The following NKAIN3 variants were observed in gnomAD, a reference collection of about 807,000 sequenced individuals.
NKAIN3 encodes sodium/potassium-transporting ATPase subunit beta-1-interacting protein 3.
A neutral mutation model predicts 30.2 loss-of-function variants in NKAIN3; 25 were observed. The ratio of observed to expected loss-of-function variants is 0.83; its 90% CI spans 0.60 to 1.16. NKAIN3 has a LOEUF of 1.16. Among genes scored for constraint, NKAIN3 ranks in the 50% most tolerant of loss-of-function variants. NKAIN3 has a pLI of 0.00. For synonymous variants in NKAIN3, 91 were observed against 89.6 expected, an observed-to-expected ratio of 1.02 and a Z score of -0.09; for missense variants, 225 against 254.1, an observed-to-expected ratio of 0.89 and a Z score of 0.78.
At chr8:62,514,103 G>A (rs1288468390) in intron 1 of NKAIN3, among the ~76,000 whole-genome samples, 1 of 152,024 alleles carries the variant, frequency 6.6e-6, no homozygotes, top group Non-Finnish European at 1.5e-5. Flanking sequence ...GGAATCCTTG[G>A]ACAGGTGCTT....
intron 1 of NKAIN3, among the ~76,000 whole-genome samples, chr8:62,275,612 G>T (rs1194287152): frequency 2.0e-5 from 3 of 152,136 alleles, no homozygotes; most frequent in Non-Finnish European, 4.4e-5. Context: ...ATTTAAGTGT[G>T]TGAAACATAG....
chr8:62,582,110 T>TC (rs1810322832), intron 2 of NKAIN3, among the ~76,000 whole-genome samples: 1 of 136,762 alleles, frequency 7.3e-6, no homozygotes, highest in African/African-American at 2.8e-5. Context: ...TTTCCTTCCT[T>TC]CTTTCCTTTT....
At chr8:62,432,191 A>G (rs555530335) in intron 1 of NKAIN3, among the ~76,000 whole-genome samples, 11 of 152,158 alleles carry the variant, frequency 7.2e-5, no homozygotes, top group Middle Eastern at 3.4e-3. Context: ...CTAAAGGAAA[A>G]TAGAATCATT....
chr8:62,665,080 T>C (rs1380513305), intron 3 of NKAIN3, among the ~76,000 whole-genome samples: 2 of 152,190 alleles, frequency 1.3e-5, no homozygotes, highest in Non-Finnish European at 2.9e-5. Context: ...TTACTGGAAA[T>C]GCAGAATGTC....
rs1824069063 is a variant in NKAIN3 at position 62,981,294 on chromosome 8, T to C, written c.*15887T>C. On this transcript the variant is annotated 3_prime_UTR_variant, in exon 7 of 7. Transcript: ENST00000623646. ...GCCCCTGCAAATCTATGATGCTAGA[T>C]GACAGATTCTACCAGAAGGCCAGAG... 1 of 152,190 alleles carries C rather than the reference T, an allele frequency of 6.6e-6. No individual in the cohort carries two copies. The allele number at this position is 152,190 out of a possible 1,614,324, so 9.4% of individuals were successfully genotyped here.
chr8:62,376,438 C>G (rs141370888), intron 1 of NKAIN3, among the ~76,000 whole-genome samples: 1 of 152,202 alleles, frequency 6.6e-6, no homozygotes, highest in Non-Finnish European at 1.5e-5. Context: ...CATCTAAATG[C>G]TGTCTCTAGT....
At chr8:62,928,963 T>A (rs539754175) in intron 5 of NKAIN3, among the ~76,000 whole-genome samples, 4 of 151,564 alleles carry the variant, frequency 2.6e-5, no homozygotes, top group South Asian at 2.1e-4. Flanking sequence ...GAGTTAGGAG[T>A]CCAGCGTATC....
At chr8:62,766,478 A>G (rs1225069323) in intron 4 of NKAIN3, among the ~76,000 whole-genome samples, 2 of 152,302 alleles carry the variant, frequency 1.3e-5, no homozygotes, top group Admixed American at 6.5e-5. Flanking sequence ...GGCTTCCAAT[A>G]AGATATAAAA....
At position 62,970,730 on chromosome 8, in the gene NKAIN3, G is replaced by A. The variant is rs529021845; in HGVS notation, c.*5323G>A. Among the ~76,000 whole-genome samples, 1 of 152,304 alleles carries A rather than the reference G, an allele frequency of 6.6e-6. No individual in the cohort carries two copies. The highest frequency in any genetic ancestry group is 2.4e-5 in the African/African-American group (1 of 41,574). ...GTTGAAAGTCACCTAATTGGGATTT[G>A]AACAGTCAGTTTTTAACTCAGAATT... is the stretch of plus-strand genomic sequence containing the variant. On this transcript the variant is annotated 3_prime_UTR_variant, in exon 7 of 7. Coordinates refer to ENST00000623646, the MANE Select transcript of NKAIN3 (RefSeq NM_001304533.3).
At chr8:62,280,493 A>G (rs898390179) in intron 1 of NKAIN3, among the ~76,000 whole-genome samples, 4 of 152,104 alleles carry the variant, frequency 2.6e-5, no homozygotes, top group Non-Finnish European at 5.9e-5. Context: ...CCCATTCAGT[A>G]TGATATTGGC....
At chr8:62,846,805 G>A (rs1174226987) in intron 4 of NKAIN3, among the ~76,000 whole-genome samples, 16 of 152,230 alleles carry the variant, frequency 1.1e-4, no homozygotes, top group African/African-American at 3.1e-4. Context: ...AAGGAAAGAG[G>A]TTTAATTGAC....
intron 1 of NKAIN3, among the ~76,000 whole-genome samples, chr8:62,317,756 G>T (rs1425882965): frequency 2.6e-5 from 4 of 152,206 alleles, no homozygotes; most frequent in African/African-American, 9.7e-5. Flanking sequence ...ACTTGGCAAT[G>T]TGGACTCTTT....
rs1813533216 is a variant in NKAIN3, at chr8:62,678,097, AAT to A, written c.274-68832_274-68831del. On this transcript the variant is annotated intron_variant, in intron 3 of 6. Coordinates refer to ENST00000623646, the MANE Select transcript of NKAIN3 (RefSeq NM_001304533.3). The stretch of plus-strand genomic sequence containing the variant: ...CACACCATAATCTTTGGGAGCTGTG[AAT>A]ATGTTATTTTGAGTGGCTAAAAAGA... Among the ~76,000 whole-genome samples the A allele has an allele frequency of 3.3e-5, 5 of 152,336 alleles. No homozygotes were observed. The South Asian group carries it at 8.3e-4, about 25-fold the overall frequency.
intron 1 of NKAIN3, among the ~76,000 whole-genome samples, chr8:62,446,704 G>T (rs1805496366): frequency 6.6e-6 from 1 of 151,970 alleles, no homozygotes; most frequent in African/African-American, 2.4e-5. Flanking sequence ...CCTCATATAG[G>T]TGGAATCCTA....
At chr8:62,689,198 C>T (rs1240568303) in intron 3 of NKAIN3, among the ~76,000 whole-genome samples, 2 of 152,056 alleles carry the variant, frequency 1.3e-5, no homozygotes, top group Admixed American at 6.6e-5. Flanking sequence ...ATCACTAGAC[C>T]TACTGCTGTT....
At position 62,913,226 on chromosome 8, in the gene NKAIN3, ATTG is replaced by A. The variant is rs138694758; in HGVS notation, c.472-5224_472-5222del. Among the ~76,000 whole-genome samples the A allele has an allele frequency of 7.9e-3, 1,204 of 152,240 alleles. 15 individuals carry two copies. The highest frequency in any genetic ancestry group is 0.027 in the African/African-American group (1,112 of 41,540). The stretch of plus-strand genomic sequence containing the variant: ...TATAAATACATAAACCAGTAGCATC[ATTG>A]TTTACTATCAATATCAAGTATTATA... On this transcript the variant is annotated intron_variant, in intron 4 of 6. Transcript: ENST00000623646.
At chr8:62,906,085 A>C (rs1821764786) in intron 4 of NKAIN3, among the ~76,000 whole-genome samples, 1 of 152,192 alleles carries the variant, frequency 6.6e-6, no homozygotes, top group Non-Finnish European at 1.5e-5. Context: ...AACACAACCC[A>C]CAAGTGTGCG....
chr8:62,699,387 C>T (rs184299175), intron 3 of NKAIN3, among the ~76,000 whole-genome samples: 49 of 152,262 alleles, frequency 3.2e-4, no homozygotes, highest in Middle Eastern at 6.8e-3. Flanking sequence ...CAATTAAAAA[C>T]GTCTTTAAAT....
intron 1 of NKAIN3, among the ~76,000 whole-genome samples, chr8:62,409,298 C>T (rs962391805): frequency 2.0e-5 from 3 of 152,158 alleles, no homozygotes; most frequent in Non-Finnish European, 4.4e-5. Context: ...AGTTCTCCTT[C>T]CTCAGCCTGC....
Sources: allele counts gnomAD v4.1 joint callset (sites outside exome capture counted in the v4.1 genomes callset), GRCh38; gene constraint gnomAD v4.1.1; transcripts MANE v1.5; gene names NCBI Gene and HGNC (gene_info 2026-07-23, HGNC 2026-07-21).